Variants in TSHZ2 observed in about 807,000 individuals in gnomAD.
TSHZ2 encodes teashirt homolog 2.
Under a neutral mutation model 74.4 loss-of-function variants are expected in TSHZ2, and 21 were observed. The observed-to-expected ratio is 0.28, with a 90% confidence interval of 0.20 to 0.41. The LOEUF (loss-of-function observed/expected upper bound fraction) is 0.41. Among genes scored for constraint, TSHZ2 ranks in the 10% least tolerant of loss-of-function variants. The probability of loss-of-function intolerance (pLI) is 1.00; values close to 1 mark genes in which losing one functional copy is unlikely to be tolerated. For synonymous variants in TSHZ2, 540 were observed against 515.3 expected (o/e 1.05, Z -0.65); for missense variants, 1,244 against 1,293.5 (o/e 0.96, Z 0.59).
intron 2 of TSHZ2, chr20:53,421,681 G>GTTTTTGTTTTT (rs1983472044): frequency 1.2e-5 from 1 of 85,578 alleles, no homozygotes; most frequent in Non-Finnish European, 2.0e-5. Flanking sequence ...TATGTTTTTG[G>GTTTTTGTTTTT]TTTTTTTTTT....
chr20:53,011,909 C>T (rs1402027223), intron 1 of TSHZ2, among the ~76,000 whole-genome samples: 1 of 152,058 alleles, frequency 6.6e-6, no homozygotes, highest in Non-Finnish European at 1.5e-5. Flanking sequence ...GGCAATGGTC[C>T]CTGCACTTTA....
intron 1 of TSHZ2, among the ~76,000 whole-genome samples, chr20:52,999,036 AACTT>A (rs1390937258): frequency 1.3e-5 from 2 of 152,046 alleles, no homozygotes; most frequent in African/African-American, 4.8e-5. Context: ...AATAAACTGA[AACTT>A]ACAGCAGTGA....
chr20:53,173,186 G>A (rs1187951742), intron 1 of TSHZ2, among the ~76,000 whole-genome samples: 1 of 151,684 alleles, frequency 6.6e-6, no homozygotes, highest in Non-Finnish European at 1.5e-5. Flanking sequence ...AAGGCCAGGG[G>A]GAATAACTTT....
chr20:53,420,003 G>C (rs778356878), intron 2 of TSHZ2, among the ~76,000 whole-genome samples: 62 of 152,220 alleles, frequency 4.1e-4, no homozygotes, highest in Non-Finnish European at 8.2e-4. Flanking sequence ...CAGGAATTCA[G>C]AAATTTAGTC....
chr20:53,478,328 A>G (rs1394481090), intron 2 of TSHZ2, among the ~76,000 whole-genome samples: 2 of 151,816 alleles, frequency 1.3e-5, no homozygotes, highest in African/African-American at 2.4e-5. Context: ...AATACTATGC[A>G]GCCATGAAAA....
chr20:53,001,687 G>A (rs189861502), intron 1 of TSHZ2, among the ~76,000 whole-genome samples: 18 of 152,234 alleles, frequency 1.2e-4, no homozygotes, highest in Admixed American at 7.8e-4. Flanking sequence ...GCCCCACCTC[G>A]TCTTCTGTTT....
chr20:53,290,242 G>A (rs1030235347), intron 2 of TSHZ2, among the ~76,000 whole-genome samples: 11 of 151,184 alleles, frequency 7.3e-5, no homozygotes, highest in Admixed American at 4.6e-4. Flanking sequence ...CCCCACCCTC[G>A]TTTATATTTT....
chr20:53,476,374 T>C (rs1187731819), intron 2 of TSHZ2, among the ~76,000 whole-genome samples: 6 of 151,278 alleles, frequency 4.0e-5, no homozygotes, highest in Non-Finnish European at 7.4e-5. Flanking sequence ...TCAATAAGTG[T>C]AATCCAGCAT....
intron 1 of TSHZ2, among the ~76,000 whole-genome samples, chr20:53,013,720 T>C (rs1048914705): frequency 2.0e-5 from 3 of 152,156 alleles, no homozygotes; most frequent in Admixed American, 6.6e-5. Flanking sequence ...TGATAACTTA[T>C]AGTAAGTGGC....
intron 1 of TSHZ2, among the ~76,000 whole-genome samples, chr20:53,023,053 A>G (rs1472944048): frequency 2.6e-5 from 4 of 152,112 alleles, no homozygotes; most frequent in East Asian, 3.9e-4. Context: ...CTCCATATAA[A>G]AGTAAATTCT....
chr20:53,483,342 G>T (rs184279136), intron 2 of TSHZ2, among the ~76,000 whole-genome samples: 9 of 152,228 alleles, frequency 5.9e-5, no homozygotes, highest in Non-Finnish European at 1.2e-4. Context: ...CTGAGCCCAG[G>T]AGGCTCTACA....
At chr20:53,299,648 C>G (rs1991443013) in intron 2 of TSHZ2, among the ~76,000 whole-genome samples, 1 of 152,186 alleles carries the variant, frequency 6.6e-6, no homozygotes, top group African/African-American at 2.4e-5. Flanking sequence ...GTACAGAGCT[C>G]CACAGATAAG....
chr20:53,125,329 C>A (rs1380808644), intron 1 of TSHZ2, among the ~76,000 whole-genome samples: 1 of 152,202 alleles, frequency 6.6e-6, no homozygotes, highest in East Asian at 1.9e-4. Context: ...TGGTTACCCG[C>A]TGAGTGGCCT....
chr20:53,099,122 A>G (rs1285369273), intron 1 of TSHZ2, among the ~76,000 whole-genome samples: 1 of 152,158 alleles, frequency 6.6e-6, no homozygotes, highest in African/African-American at 2.4e-5. Flanking sequence ...CCTAAGAGGT[A>G]ATGGAATGAT....
intron 2 of TSHZ2, among the ~76,000 whole-genome samples, chr20:53,428,337 C>T (rs1266953017): frequency 6.6e-6 from 1 of 152,204 alleles, no homozygotes; most frequent in Admixed American, 6.5e-5. Flanking sequence ...CCAAGAAAGG[C>T]ACTGTGTATT....
chr20:53,261,348 G>C (rs753153149), intron 2 of TSHZ2, among the ~76,000 whole-genome samples: 2 of 152,170 alleles, frequency 1.3e-5, no homozygotes, highest in African/African-American at 2.4e-5. Flanking sequence ...TAATGCTCTT[G>C]TTCAATCAGG....
chr20:53,352,777 CAAA>C (rs869247919), intron 2 of TSHZ2, among the ~76,000 whole-genome samples: 4 of 65,608 alleles, frequency 6.1e-5, no homozygotes, highest in Admixed American at 1.6e-4. Flanking sequence ...CTGTCTCAAA[CAAA>C]AAAAAAAAAA....
intron 1 of TSHZ2, among the ~76,000 whole-genome samples, chr20:53,071,317 T>A (rs899912808): frequency 4.6e-5 from 7 of 152,206 alleles, no homozygotes; most frequent in Admixed American, 1.3e-4. Context: ...GGCTTAATGT[T>A]CATTAATTAG....
At chr20:53,025,374 C>T (rs1334585107) in intron 1 of TSHZ2, among the ~76,000 whole-genome samples, 1 of 152,112 alleles carries the variant, frequency 6.6e-6, no homozygotes, top group Admixed American at 6.5e-5. Flanking sequence ...TGTTTAGTGA[C>T]TTCATTTAAA....
Sources: allele counts gnomAD v4.1 joint callset (sites outside exome capture counted in the v4.1 genomes callset), GRCh38; gene constraint gnomAD v4.1.1; transcripts MANE v1.5; gene names NCBI Gene and HGNC (gene_info 2026-07-23, HGNC 2026-07-21).